Variants in PTPRR observed in about 807,000 individuals in gnomAD.
The protein encoded by PTPRR is receptor-type tyrosine-protein phosphatase R.
In PTPRR, 38 loss-of-function variants were observed where a neutral mutation model predicts 77.2. The observed-to-expected ratio is 0.49, with a 90% CI of 0.38 to 0.65. The LOEUF (loss-of-function observed/expected upper bound fraction) is 0.65. PTPRR is among the 30% of genes least tolerant of loss of function. PTPRR has a pLI of 0.00. For synonymous variants in PTPRR, 299 were observed against 283.1 expected (o/e 1.06, Z -0.57); for missense variants, 744 against 799.2 (o/e 0.93, Z 0.83).
chr12:70,715,458 C>A (rs191667193), intron 6 of PTPRR, among the ~76,000 whole-genome samples: 1 of 152,050 alleles, frequency 6.6e-6, no homozygotes, highest in Non-Finnish European at 1.5e-5. Context: ...TGAGAGCAAC[C>A]GGTCTGACCA....
chr12:70,760,627 C>T (rs575532928), intron 4 of PTPRR, among the ~76,000 whole-genome samples: 1 of 152,160 alleles, frequency 6.6e-6, no homozygotes, highest in East Asian at 1.9e-4. Context: ...AACCCTGCCT[C>T]TATAAGAGAG....
chr12:70,732,575 C>T (rs773303591), intron 6 of PTPRR, among the ~76,000 whole-genome samples: 3 of 152,056 alleles, frequency 2.0e-5, no homozygotes, highest in Non-Finnish European at 4.4e-5. Flanking sequence ...GTTTGTTTTC[C>T]TCCGAGGCAG....
intron 1 of PTPRR, among the ~76,000 whole-genome samples, chr12:70,909,226 A>G (rs927929825): frequency 2.0e-5 from 3 of 152,116 alleles, no homozygotes; most frequent in African/African-American, 7.2e-5. Flanking sequence ...GCAAAACTTA[A>G]CCCAAGGGGA....
In PTPRR at chr12:70,821,213, C is replaced by CTTT. The variant is rs61539990; in HGVS notation, c.358-56438_358-56436dup. 4.6e-3 allele frequency among the ~76,000 whole-genome samples: 148 copies of CTTT among 31,988 alleles called. 35 individuals are homozygous for CTTT. Among genetic ancestry groups the CTTT allele is most frequent in the South Asian group, 0.019 (7 of 374 alleles). The allele number at this position is 31,988 out of a possible 152,430, so 21.0% of individuals were successfully genotyped here. A position where few individuals can be genotyped will look rare whatever the true frequency, so the allele number is the denominator to read the frequency against. Reference sequence around the variant, plus strand: ...CAAAACATGTTGAAAGGGATCACTGCTTTTTTTTTTTTTTTTTTTTTTTTT... The same window carrying CTTT: ...CAAAACATGTTGAAAGGGATCACTGCTTTTTTTTTTTTTTTTTTTTTTTTTTTT... On this transcript the variant is annotated intron_variant, in intron 2 of 13. Coordinates refer to ENST00000283228, the MANE Select transcript of PTPRR (RefSeq NM_002849.4).
chr12:70,800,236 A>G (rs1592764316), intron 2 of PTPRR, among the ~76,000 whole-genome samples: 1 of 148,112 alleles, frequency 6.8e-6, no homozygotes, highest in African/African-American at 2.5e-5. Flanking sequence ...TTTCCCCCCT[A>G]CCCACTGCAT....
intron 6 of PTPRR, among the ~76,000 whole-genome samples, chr12:70,737,715 G>T (rs1350714872): frequency 1.3e-5 from 2 of 152,028 alleles, no homozygotes; most frequent in African/African-American, 2.4e-5. Context: ...TAGAGACGGG[G>T]TCTCACTATG....
intron 8 of PTPRR, among the ~76,000 whole-genome samples, chr12:70,692,954 C>T (rs1057199124): frequency 2.6e-5 from 4 of 152,136 alleles, no homozygotes; most frequent in African/African-American, 9.7e-5. Context: ...GGATGTGGCT[C>T]ACAGAGGGTT....
chr12:70,872,255 G>A (rs562986702), intron 2 of PTPRR, among the ~76,000 whole-genome samples: 1 of 152,220 alleles, frequency 6.6e-6, no homozygotes, highest in South Asian at 2.1e-4. Flanking sequence ...AATGGCACAT[G>A]AAGTAGGCTT....
chr12:70,741,640 G>T (rs1890049832), intron 6 of PTPRR, among the ~76,000 whole-genome samples: 1 of 152,182 alleles, frequency 6.6e-6, no homozygotes, highest in Non-Finnish European at 1.5e-5. Context: ...GTGGAAGGTG[G>T]CGTCTCGGGG....
chr12:70,651,506 C>G (rs1029405502), intron 13 of PTPRR, among the ~76,000 whole-genome samples: 4 of 152,170 alleles, frequency 2.6e-5, no homozygotes, highest in Non-Finnish European at 5.9e-5. Context: ...AAATTGTACT[C>G]TTAAGGCAGT....
chr12:70,831,942 G>T (rs757283103), intron 2 of PTPRR, among the ~76,000 whole-genome samples: 4 of 152,194 alleles, frequency 2.6e-5, no homozygotes, highest in South Asian at 4.2e-4. Flanking sequence ...TCACCAACAG[G>T]TCTAGTTTTA....
intron 1 of PTPRR, among the ~76,000 whole-genome samples, chr12:70,915,677 C>T (rs1346488775): frequency 6.6e-6 from 1 of 152,106 alleles, no homozygotes; most frequent in African/African-American, 2.4e-5. Context: ...AACACAAACC[C>T]ATCCTTTATT....
chr12:70,880,079 C>A (rs1188164001), intron 2 of PTPRR, among the ~76,000 whole-genome samples: 2 of 152,068 alleles, frequency 1.3e-5, no homozygotes, highest in Non-Finnish European at 2.9e-5. Context: ...AGGAGAAATA[C>A]AAGTTTTCTT....
chr12:70,742,653 A>G (rs1890086347), intron 6 of PTPRR, among the ~76,000 whole-genome samples: 1 of 152,204 alleles, frequency 6.6e-6, no homozygotes, highest in Non-Finnish European at 1.5e-5. Context: ...ACTCAAATAT[A>G]ATTTAGAAAA....
chr12:70,755,002 G>A (rs1393095074), intron 4 of PTPRR, among the ~76,000 whole-genome samples: 1 of 151,938 alleles, frequency 6.6e-6, no homozygotes. Flanking sequence ...TTCCACTTTG[G>A]GGGTGGAAGA....
intron 1 of PTPRR, among the ~76,000 whole-genome samples, chr12:70,909,672 G>C (rs1202141646): frequency 6.6e-6 from 1 of 152,182 alleles, no homozygotes; most frequent in African/African-American, 2.4e-5. Flanking sequence ...AACTTTCCCT[G>C]TCTAGTACAT....
intron 3 of PTPRR, among the ~76,000 whole-genome samples, chr12:70,761,844 C>G (rs1272012188): frequency 6.6e-6 from 1 of 152,082 alleles, no homozygotes; most frequent in African/African-American, 2.4e-5. Flanking sequence ...GTTGCCACCC[C>G]CCAAGATTTG....
At chr12:70,650,698 T>C (rs1006683095) in intron 13 of PTPRR, among the ~76,000 whole-genome samples, 8 of 152,206 alleles carry the variant, frequency 5.3e-5, no homozygotes, top group African/African-American at 1.7e-4. Context: ...GATGAATGTA[T>C]GCAGGATTCA....
chr12:70,900,893 G>T (rs1893522522), intron 1 of PTPRR, among the ~76,000 whole-genome samples: 1 of 151,568 alleles, frequency 6.6e-6, no homozygotes, highest in African/African-American at 2.4e-5. Flanking sequence ...AGGATGGGAA[G>T]AAAGGGGAAC....
Sources: gnomAD v4.1 joint callset for allele counts (sites outside exome capture counted in the v4.1 genomes callset) on GRCh38, gnomAD v4.1.1 for gene constraint, MANE v1.5 for transcripts, NCBI Gene and HGNC (gene_info 2026-07-23, HGNC 2026-07-21) for gene names.